The following TRIP12 variants were observed in gnomAD, a reference collection of about 807,000 sequenced individuals.
TRIP12 encodes the protein thyroid hormone receptor interactor 12, also known as E3 ubiquitin-protein ligase TRIP12.
Under a neutral mutation model 244.2 loss-of-function variants are expected in TRIP12, and 25 were observed. That is an observed-to-expected ratio of 0.10 (90% CI 0.07 to 0.14). The LOEUF (loss-of-function observed/expected upper bound fraction) is 0.14. TRIP12 is among the 10% of genes least tolerant of loss of function. TRIP12 has a pLI of 1.00. For missense variants in TRIP12, 1,677 were observed against 2,486.4 expected, an observed-to-expected ratio of 0.67 and a Z score of 6.92; for synonymous variants, 905 against 873.1, an observed-to-expected ratio of 1.04 and a Z score of -0.64.
chr2:229,903,464 T>C (rs2071672052), intron 1 of TRIP12, among the ~76,000 whole-genome samples: 1 of 151,936 alleles, frequency 6.6e-6, no homozygotes, highest in African/African-American at 2.4e-5. Context: ...AAACAGCCAT[T>C]AAGATCTAGA....
Position 229,805,711 on chromosome 2 carries a change from T to G in TRIP12, c.2650+19A>C, listed in dbSNP as rs1280380841. The stretch of plus-strand genomic sequence containing the variant: ...ATTGCACAATAGTATAGTGCTATTT[T>G]AACTCAGAATGTACTTACTAGTGTT... On this transcript the variant is annotated intron_variant, in intron 18 of 41. Transcript: ENST00000675903. 2 of 1,554,692 alleles carry G rather than the reference T, an allele frequency of 1.3e-6. No individual in the cohort carries two copies. Among genetic ancestry groups the G allele is most frequent in the Admixed American group, 1.7e-5 (1 of 58,476 alleles).
intron 8 of TRIP12, among the ~76,000 whole-genome samples, chr2:229,822,423 C>A (rs1226576109): frequency 6.6e-6 from 1 of 152,156 alleles, no homozygotes; most frequent in Non-Finnish European, 1.5e-5. Context: ...AGTTGTCAAT[C>A]AAAATTCTAG....
chr2:229,817,450 T>C (rs1177847377), intron 9 of TRIP12, among the ~76,000 whole-genome samples: 2 of 152,190 alleles, frequency 1.3e-5, no homozygotes, highest in Non-Finnish European at 2.9e-5. Flanking sequence ...CTACATTTGA[T>C]AATGGCAATT....
At chr2:229,878,512 A>G (rs1281340811) in intron 2 of TRIP12, among the ~76,000 whole-genome samples, 1 of 151,902 alleles carries the variant, frequency 6.6e-6, no homozygotes, top group Non-Finnish European at 1.5e-5. Flanking sequence ...CAAAGTCCCT[A>G]TGCTTAACCA....
At chr2:229,784,376 T>C (rs1238478790) in intron 34 of TRIP12, among the ~76,000 whole-genome samples, 1 of 150,138 alleles carries the variant, frequency 6.7e-6, no homozygotes, top group Non-Finnish European at 1.5e-5. Context: ...GTAATTAATA[T>C]ATATATATAT....
rs754572846 is a variant in TRIP12 at position 229,791,083 on chromosome 2, C to A, written c.4543+41G>T. ...GAAAATCATGAAAATGGGAAGATTG[C>A]CCAGTTGGCAATCCATTTTCCCCTT... is the stretch of plus-strand genomic sequence containing the variant. On this transcript the variant is annotated intron_variant, in intron 30 of 41. Transcript: ENST00000675903. 3.7e-6 allele frequency: 6 copies of A among 1,607,042 alleles called. No homozygotes were observed. In the East Asian group the frequency reaches 1.3e-4, roughly 36 times the overall value.
chr2:229,792,181 C>G lies in TRIP12; in HGVS notation c.4187G>C (p.Gly1396Ala). The G allele has an allele frequency of 1.2e-6, 2 of 1,613,960 alleles. No homozygotes were observed. Among genetic ancestry groups the G allele is most frequent in the Non-Finnish European group, 1.7e-6 (2 of 1,179,932 alleles). Reference sequence around the variant, plus strand: ...AGACTCATCTATTTCCTCATCTGATCCATCGTCATCGCTGTCTTCATCATC... The same window carrying G: ...AGACTCATCTATTTCCTCATCTGATGCATCGTCATCGCTGTCTTCATCATC... ...REDDEDSDDD[G>A]SDEEIDESLA... The change falls in exon 28 of 42, where the codon GGA becomes GCA. Residue 1396 changes from glycine to alanine, a missense_variant. By Grantham distance (60) the Gly-to-Ala change is moderately conservative (BLOSUM62 0). Coordinates refer to ENST00000675903, the MANE Select transcript of TRIP12 (RefSeq NM_001348323.3).
chr2:229,788,436 T>C (rs2040616732), intron 32 of TRIP12, among the ~76,000 whole-genome samples: 1 of 152,208 alleles, frequency 6.6e-6, no homozygotes, highest in African/African-American at 2.4e-5. Flanking sequence ...TAAATGTATA[T>C]GGCCAGTGGC....
chr2:229,771,692 T>C, intron 38 of TRIP12, 60 bp from the exon 39 acceptor site: 1 of 1,309,894 alleles, frequency 7.6e-7, no homozygotes. Context: ...TACTATTTAA[T>C]ATGTGGCAAA....
At chr2:229,922,688 G>C, upstream of TRIP12, 3 of 1,469,510 alleles carry the variant, frequency 2.0e-6, no homozygotes, top group Non-Finnish European at 2.8e-6. Flanking sequence ...GGCTGTGCTA[G>C]GCCAAGAGCA....
At chr2:229,828,752 G>C (rs990774815) in intron 8 of TRIP12, among the ~76,000 whole-genome samples, 27 of 152,066 alleles carry the variant, frequency 1.8e-4, no homozygotes, top group African/African-American at 6.5e-4. Flanking sequence ...GGACGACAGA[G>C]CAAGACTCCA....
intron 4 of TRIP12, among the ~76,000 whole-genome samples, chr2:229,844,707 G>A (rs1434991172): frequency 6.6e-6 from 1 of 151,068 alleles, no homozygotes; most frequent in Non-Finnish European, 1.5e-5. Flanking sequence ...GGGCAGGGAC[G>A]AAGAGGTGAG....
intron 6 of TRIP12, among the ~76,000 whole-genome samples, chr2:229,833,894 G>A (rs1484620101): frequency 6.6e-6 from 1 of 151,796 alleles, no homozygotes; most frequent in African/African-American, 2.4e-5. Flanking sequence ...ACTTAAACCA[G>A]CCAAGCCTCT....
chr2:229,848,331 C>G (rs1309921810), intron 4 of TRIP12, among the ~76,000 whole-genome samples: 1 of 135,446 alleles, frequency 7.4e-6, no homozygotes, highest in Admixed American at 7.4e-5. Flanking sequence ...CCCCCGCCCC[C>G]CCCACACACA....
rs371653537 is a variant in TRIP12, at chr2:229,859,246, C to T, written c.553G>A (p.Gly185Ser). ...AHTRKSGATGGSRSQKRKRTE... is the reference protein window; with the variant it reads ...AHTRKSGATGSSRSQKRKRTE... Reference sequence around the variant, plus strand: ...CTTTTTCTTTTCTGACTCCGTGAACCGCCAGTGGCCCCACTCTTCCTGGTA... The same window carrying T: ...CTTTTTCTTTTCTGACTCCGTGAACTGCCAGTGGCCCCACTCTTCCTGGTA... The change falls in exon 4 of 42, where the codon GGT becomes AGT. Residue 185 changes from glycine to serine, a missense_variant. Gly to Ser is a moderately conservative substitution (Grantham distance 56). Transcript: ENST00000675903. 2.0e-5 allele frequency: 33 copies of T among 1,614,046 alleles called. No individual in the cohort carries two copies. The highest frequency in any genetic ancestry group is 2.7e-5 in the African/African-American group (2 of 74,914).
chr2:229,799,760 G>A (rs1162015949), intron 21 of TRIP12, among the ~76,000 whole-genome samples: 1 of 149,686 alleles, frequency 6.7e-6, no homozygotes. Flanking sequence ...GGGAGATAGT[G>A]AGACTCCATC....
intron 18 of TRIP12, 88 bp from the exon 19 acceptor site, chr2:229,804,315 T>C: frequency 8.5e-7 from 1 of 1,181,256 alleles, no homozygotes; most frequent in Non-Finnish European, 1.2e-6. Flanking sequence ...CAAGCCAGTG[T>C]AATTCTTGAA....
chr2:229,767,523 T>C lies in TRIP12; in HGVS notation c.*31A>G. 6.4e-7 allele frequency: 1 copy of C among 1,558,184 alleles called. No individual in the cohort carries two copies. Among genetic ancestry groups the C allele is most frequent in the Non-Finnish European group, 8.7e-7 (1 of 1,152,186 alleles). ...AAATCATGATTTGTTTCTTTTGCTG[T>C]AACAGGCAGACACTGCATTTCTTGC... On this transcript the variant is annotated 3_prime_UTR_variant, in exon 42 of 42. Coordinates refer to ENST00000675903, the MANE Select transcript of TRIP12 (RefSeq NM_001348323.3).
intron 3 of TRIP12, 118 bp from the exon 4 acceptor site, chr2:229,859,692 A>G (rs1021905018): frequency 1.7e-6 from 2 of 1,160,064 alleles, no homozygotes; most frequent in Non-Finnish European, 2.4e-6. Flanking sequence ...TATTAAACAT[A>G]GGTTTTCAGA....
Sources: gnomAD v4.1 joint callset for allele counts (sites outside exome capture counted in the v4.1 genomes callset) on GRCh38, gnomAD v4.1.1 for gene constraint, MANE v1.5 for transcripts, NCBI Gene and HGNC (gene_info 2026-07-23, HGNC 2026-07-21) for gene names.